CSRNP2: variants seen among roughly 807,000 people sequenced by gnomAD.
CSRNP2 encodes cysteine/serine-rich nuclear protein 2.
A neutral mutation model predicts 36.6 loss-of-function variants in CSRNP2; 11 were observed. The observed-to-expected ratio is 0.30, with a 90% CI of 0.19 to 0.50. The LOEUF (loss-of-function observed/expected upper bound fraction) is 0.50, where lower values mean the gene tolerates loss of function less well. CSRNP2 is among the 20% of genes least tolerant of loss of function. The probability of loss-of-function intolerance (pLI) is 0.98; values close to 1 mark genes in which losing one functional copy is unlikely to be tolerated. For synonymous variants in CSRNP2, 248 were observed against 275.3 expected (o/e 0.90, Z 0.98); for missense variants, 483 against 691.4 (o/e 0.70, Z 3.38).
intron 3 of CSRNP2, among the ~76,000 whole-genome samples, chr12:51,068,495 T>C (rs918977860): frequency 6.6e-6 from 1 of 152,164 alleles, no homozygotes; most frequent in African/African-American, 2.4e-5. Flanking sequence ...CTATATTCAC[T>C]AGCACAAGTC....
chr12:51,068,005 T>A lies in CSRNP2; in HGVS notation c.412-36A>T, dbSNP rs532297690. ...ACAGGAAAGGTTAGCCTCATAGACATGAGCGGCATGCACCTCCTCAGTGAC... is the reference window on the plus strand; with the variant it reads ...ACAGGAAAGGTTAGCCTCATAGACAAGAGCGGCATGCACCTCCTCAGTGAC... On this transcript the variant is annotated intron_variant, in intron 3 of 4. Coordinates refer to ENST00000228515, the MANE Select transcript of CSRNP2 (RefSeq NM_030809.3). 1.3e-5 allele frequency: 20 copies of A among 1,592,852 alleles called. No individual in the cohort carries two copies. In the East Asian group the frequency reaches 4.0e-4, roughly 32 times the overall value.
At chr12:51,068,583 C>T (rs1340539794) in intron 3 of CSRNP2, among the ~76,000 whole-genome samples, 2 of 152,076 alleles carry the variant, frequency 1.3e-5, no homozygotes, top group African/African-American at 2.4e-5. Flanking sequence ...CTCAAAAACC[C>T]GTCTCATCTT....
intron 3 of CSRNP2, among the ~76,000 whole-genome samples, chr12:51,068,924 A>T (rs1938704469): frequency 6.6e-6 from 1 of 152,228 alleles, no homozygotes; most frequent in East Asian, 1.9e-4. Flanking sequence ...AAATATATTA[A>T]CAGGTATTAA....
chr12:51,070,639 T>C (rs1939075061), intron 3 of CSRNP2, among the ~76,000 whole-genome samples: 1 of 152,166 alleles, frequency 6.6e-6, no homozygotes, highest in African/African-American at 2.4e-5. Context: ...TCCCAATGTA[T>C]ACTATTCATG....
At position 51,063,760 on chromosome 12, in the gene CSRNP2, G is replaced by C. The variant is rs1200213995; in HGVS notation, c.1618C>G (p.Pro540Ala). 6.4e-6 allele frequency: 10 copies of C among 1,562,548 alleles called. No individual in the cohort carries two copies. Among genetic ancestry groups the C allele is most frequent in the Non-Finnish European group, 8.7e-6 (10 of 1,154,022 alleles). ...TCTAGCGCCTGTCACACTGCCAGAGGGAGTTCTAAGGAAGAATCTTCAGGG... is the reference window on the plus strand; with the variant it reads ...TCTAGCGCCTGTCACACTGCCAGAGCGAGTTCTAAGGAAGAATCTTCAGGG... ...RPPEDSSLEL[P>A]LAV The change falls in exon 5 of 5, where the codon CCT becomes GCT. Residue 540 changes from proline to alanine, a missense_variant. By Grantham distance (27) the Pro-to-Ala change is conservative. Coordinates refer to ENST00000228515, the MANE Select transcript of CSRNP2 (RefSeq NM_030809.3).
intron 1 of CSRNP2, among the ~76,000 whole-genome samples, chr12:51,082,352 T>G (rs747483952): frequency 1.3e-5 from 2 of 152,192 alleles, no homozygotes; most frequent in African/African-American, 4.8e-5. Flanking sequence ...TTTCCATGCC[T>G]AAACTACCAT....
intron 4 of CSRNP2, 135 bp from the exon 5 acceptor site, chr12:51,064,804 T>C (rs570538006): frequency 6.5e-6 from 4 of 617,704 alleles, no homozygotes; most frequent in Non-Finnish European, 1.1e-5. Context: ...ATTCAAAGCA[T>C]AGCATGCAGT....
intron 1 of CSRNP2, among the ~76,000 whole-genome samples, chr12:51,078,284 T>C (rs1179140544): frequency 6.6e-6 from 1 of 152,200 alleles, no homozygotes; most frequent in African/African-American, 2.4e-5. Context: ...AGGTATTTCC[T>C]AATCTATCCA....
In CSRNP2 at chr12:51,067,876, C is replaced by G. The variant is rs933730580; in HGVS notation, c.505G>C (p.Val169Leu). The G allele has an allele frequency of 6.2e-7, 1 of 1,614,216 alleles. No individual in the cohort carries two copies. The highest frequency in any genetic ancestry group is 1.7e-5 in the Admixed American group (1 of 60,020). The change falls in exon 4 of 5, where the codon GTG becomes CTG. Residue 169 changes from valine to leucine, a missense_variant. Transcript: ENST00000228515. This position sits in a 1 kb window ranked among gnomAD's most constrained non-coding sequence, Gnocchi z 4.1. The stretch of plus-strand genomic sequence containing the variant: ...GGCTGCAGGAAGAAGTAATCATCCA[C>G]CTCCACATTTTCCACATCAATATCT... ...DEDIDVENVE[V>L]DDYFFLQPLP...
At chr12:51,070,126 T>C (rs1475934558) in intron 3 of CSRNP2, among the ~76,000 whole-genome samples, 3 of 152,134 alleles carry the variant, frequency 2.0e-5, no homozygotes, top group Non-Finnish European at 4.4e-5. Flanking sequence ...TGAGGCCTCA[T>C]AATCCCTGGG....
In CSRNP2 at chr12:51,064,287, G is replaced by GGCT; in HGVS notation, c.1088_1090dup (p.Glu363_Pro364insGln). The GGCT allele has an allele frequency of 1.9e-6, 3 of 1,613,050 alleles. No individual in the cohort carries two copies. The highest frequency in any genetic ancestry group is 2.5e-6 in the Non-Finnish European group (3 of 1,179,556). ...GCACAGCTCTTCGGGGACAGCCAGA[G>GGCT]GCTCCTCTAGGATGCACACACCCAG... On this transcript the variant is annotated inframe_insertion, in exon 5 of 5. Transcript: ENST00000228515.
rs563314891 is a variant in CSRNP2, at chr12:51,078,018, G to A, written c.-86-1371C>T. Among the ~76,000 whole-genome samples, 7 of 152,294 alleles carry A rather than the reference G, an allele frequency of 4.6e-5. No homozygotes were observed. In the South Asian group the frequency reaches 8.3e-4, roughly 18 times the overall value. On this transcript the variant is annotated intron_variant, in intron 1 of 4. Coordinates refer to ENST00000228515, the MANE Select transcript of CSRNP2 (RefSeq NM_030809.3). ...GCGGGAGCCATGTGTGATGAGACAC[G>A]AACCCTCCCTTGCCTCAGTAATGCC...
At chr12:51,066,857 T>A (rs1488954342) in intron 4 of CSRNP2, among the ~76,000 whole-genome samples, 2 of 152,060 alleles carry the variant, frequency 1.3e-5, no homozygotes, top group Non-Finnish European at 2.9e-5. Flanking sequence ...GACAGGGTCT[T>A]GCTCTGTCGC....
intron 3 of CSRNP2, among the ~76,000 whole-genome samples, chr12:51,070,081 A>C (rs796468783): frequency 1.8e-4 from 27 of 152,174 alleles, no homozygotes; most frequent in African/African-American, 5.8e-4. Flanking sequence ...CGTGGCTGAA[A>C]GAGTTCTGAA....
At chr12:51,071,973 T>C (rs1178763211) in intron 3 of CSRNP2, among the ~76,000 whole-genome samples, 2 of 152,110 alleles carry the variant, frequency 1.3e-5, no homozygotes, top group African/African-American at 2.4e-5. Context: ...GCTTTAGGAA[T>C]AGTCTGAGGG....
chr12:51,076,547 C>T lies in CSRNP2; in HGVS notation c.15G>A (p.Thr5=). MDAF[T]GSGLKRKFDD... is the part of the protein sequence containing the mutation. ...CAAACTTCCTCTTGAGACCCGAGCC[C>T]GTGAATGCATCCATTGGTTTCAAAG... Residue 5 remains threonine, a synonymous_variant, in exon 2 of 5, where the codon ACG becomes ACA. Transcript: ENST00000228515. The T allele has an allele frequency of 6.2e-7, 1 of 1,614,048 alleles. No homozygotes were observed. Among genetic ancestry groups the T allele is most frequent in the Non-Finnish European group, 8.5e-7 (1 of 1,180,010 alleles).
Position 51,063,810 on chromosome 12 carries a change from G to A in CSRNP2, c.1568C>T (p.Thr523Ile). Residue 523 changes from threonine (T) to isoleucine (I), a missense_variant, in exon 5 of 5, where the codon ACC becomes ATC. Physicochemically the swap from Thr to Ile is moderately conservative, Grantham distance 89. This residue lies in a region of CSRNP2 where 277 missense variants were observed against 323.6 expected (regional missense o/e 0.86). Transcript: ENST00000228515. ...DNEEGCGMVK[T>I]SQQNEDRPPE... ...GGGCCGATCCTCATTCTGCTGGGAG[G>A]TCTTCACCATCCCACAGCCCTCTTC... The A allele has an allele frequency of 6.2e-7, 1 of 1,609,744 alleles. No individual in the cohort carries two copies. The highest frequency in any genetic ancestry group is 8.5e-7 in the Non-Finnish European group (1 of 1,177,858).
At chr12:51,065,268 G>A (rs537369166) in intron 4 of CSRNP2, among the ~76,000 whole-genome samples, 2 of 152,300 alleles carry the variant, frequency 1.3e-5, no homozygotes, top group East Asian at 3.9e-4. Context: ...TTCCCTGAGG[G>A]TTGACTAGTT....
chr12:51,082,862 C>T (rs567708958), intron 1 of CSRNP2: 17 of 152,464 alleles, frequency 1.1e-4, no homozygotes, highest in African/African-American at 3.6e-4. Context: ...GCCCACTTCC[C>T]TCTGATTCCT....
Sources: allele counts gnomAD v4.1 joint callset (sites outside exome capture counted in the v4.1 genomes callset), GRCh38; gene constraint gnomAD v4.1.1; regional missense constraint gnomAD v4.1.1; non-coding constraint Gnocchi (gnomAD v3.1); transcripts MANE v1.5; gene names NCBI Gene and HGNC (gene_info 2026-07-23, HGNC 2026-07-21).